The following PTDSS1 variants were observed in gnomAD, a reference collection of about 807,000 sequenced individuals.
PTDSS1 encodes PSS-1.
In PTDSS1, 45 loss-of-function variants were observed where a neutral mutation model predicts 70.5. That is an observed-to-expected ratio of 0.64 (90% CI 0.50 to 0.82). The LOEUF (loss-of-function observed/expected upper bound fraction) is 0.82, where lower values mean the gene tolerates loss of function less well. Among genes scored for constraint, PTDSS1 ranks in the 40% least tolerant of loss-of-function variants. PTDSS1 has a pLI of 0.00. For missense variants in PTDSS1, 417 were observed against 586.1 expected (o/e 0.71, Z 2.98); for synonymous variants, 188 against 203.8 (o/e 0.92, Z 0.66).
In PTDSS1 at chr8:96,280,197, A is replaced by G. The variant is rs1810715013; in HGVS notation, c.272-3912A>G. On this transcript the variant is annotated intron_variant, in intron 2 of 12. Transcript: ENST00000517309. ...GACATTGGTTTCTAGTTCTTTTGAA[A>G]TTAATCTTGCTCTTAATATAAGATT... Among the ~76,000 whole-genome samples the G allele has an allele frequency of 2.0e-5, 3 of 152,160 alleles. No individual in the cohort carries two copies. In the South Asian group the frequency reaches 6.2e-4, roughly 32 times the overall value.
At chr8:96,298,962 C>T (rs1030866530) in intron 5 of PTDSS1, among the ~76,000 whole-genome samples, 5 of 151,746 alleles carry the variant, frequency 3.3e-5, no homozygotes, top group Non-Finnish European at 7.4e-5. Context: ...ATTGCTTGAA[C>T]CCGGGAGGCA....
chr8:96,264,500 T>C (rs1048567209), intron 1 of PTDSS1, among the ~76,000 whole-genome samples: 1 of 152,242 alleles, frequency 6.6e-6, no homozygotes. Context: ...CATACCTGTT[T>C]GATGTTAACT....
intron 7 of PTDSS1, among the ~76,000 whole-genome samples, chr8:96,305,622 T>C (rs1467209008): frequency 6.6e-6 from 1 of 152,224 alleles, no homozygotes; most frequent in Admixed American, 6.5e-5. Context: ...GGATCTGCTC[T>C]GTCCCAGGCG....
intron 1 of PTDSS1, among the ~76,000 whole-genome samples, chr8:96,268,881 C>T (rs780286188): frequency 6.6e-6 from 1 of 152,184 alleles, no homozygotes; most frequent in African/African-American, 2.4e-5. Flanking sequence ...AGACTCCCCC[C>T]TCACGTTACC....
chr8:96,261,962 A>G lies in PTDSS1; in HGVS notation c.-79A>G, dbSNP rs1020822500. On this transcript the variant is annotated 5_prime_UTR_variant, in exon 1 of 13. Coordinates refer to ENST00000517309, the MANE Select transcript of PTDSS1 (RefSeq NM_014754.3). The stretch of plus-strand genomic sequence containing the variant: ...GGCTTTGCCGTCCGGCTATTAGCCT[A>G]CTGTGGCTAGTCACCCCCGGGGTCC... The G allele has an allele frequency of 1.0e-5, 15 of 1,445,798 alleles. No homozygotes were observed. The highest frequency in any genetic ancestry group is 6.1e-5 in the Admixed American group (3 of 49,194). 89.6% of individuals were successfully genotyped at this position (1,445,798 alleles called of 1,614,324 possible).
At chr8:96,265,266 G>T (rs1810470441) in intron 1 of PTDSS1, among the ~76,000 whole-genome samples, 1 of 152,142 alleles carries the variant, frequency 6.6e-6, no homozygotes, top group South Asian at 2.1e-4. Context: ...GAGGAGATAG[G>T]ATTCTTTTGG....
chr8:96,278,612 C>T (rs1810683826), intron 2 of PTDSS1, among the ~76,000 whole-genome samples: 2 of 152,130 alleles, frequency 1.3e-5, no homozygotes, highest in South Asian at 4.1e-4. Context: ...TACCTTCATC[C>T]CATTATAGCA....
chr8:96,295,056 T>TA (rs776765410), intron 4 of PTDSS1, 42 bp from the exon 5 acceptor site: 9 of 1,548,076 alleles, frequency 5.8e-6, no homozygotes, highest in Non-Finnish European at 7.9e-6. Context: ...GCAAGTTGAT[T>TA]TCTAGAGTTT....
intron 9 of PTDSS1, among the ~76,000 whole-genome samples, chr8:96,310,941 T>C (rs1563578313): frequency 6.6e-6 from 1 of 152,074 alleles, no homozygotes; most frequent in Non-Finnish European, 1.5e-5. Context: ...AATTTTTGTA[T>C]TTTTAGTAGA....
chr8:96,262,282 TGGCGGGGA>T lies in PTDSS1; in HGVS notation c.179+66_179+73del. On this transcript the variant is annotated intron_variant, in intron 1 of 12. Coordinates refer to ENST00000517309, the MANE Select transcript of PTDSS1 (RefSeq NM_014754.3). The surrounding 1 kb of genome is among the most constrained non-coding windows in gnomAD (Gnocchi z 4.4). ...GCTAGGGAAGAGGCGGGAGGGAGGG[TGGCGGGGA>T]GGGGGGCCCGGCATGGCTCTGGGTG... 40 of 250,404 alleles carry T rather than the reference TGGCGGGGA, an allele frequency of 1.6e-4. No homozygotes were observed. Among genetic ancestry groups the T allele is most frequent in the East Asian group, 7.2e-4 (7 of 9,676 alleles). 15.5% of individuals were successfully genotyped at this position (250,404 alleles called of 1,614,324 possible). A position where few individuals can be genotyped will look rare whatever the true frequency, so the allele number is the denominator to read the frequency against.
At position 96,295,245 on chromosome 8, in the gene PTDSS1, G is replaced by T; in HGVS notation, c.589G>T (p.Glu197Ter). The change falls in exon 5 of 13, where the codon GAG (glutamate) becomes TAG (stop). Residue 197 changes from glutamate (E) to a stop codon, truncating the protein, a stop_gained. Transcript: ENST00000517309. LOFTEE classifies it high-confidence loss of function. ...GLCWTISITW[E>*]LTELFFMHLL... The stretch of plus-strand genomic sequence containing the variant: ...CTGCTGGACAATCAGTATTACCTGG[G>T]AGCTGACTGAGGTAAGAAGGAGGGC... 6.2e-7 allele frequency: 1 copy of T among 1,613,366 alleles called. No individual in the cohort carries two copies. Among genetic ancestry groups the T allele is most frequent in the Non-Finnish European group, 8.5e-7 (1 of 1,179,582 alleles).
At chr8:96,274,164 A>G (rs1333380391) in intron 2 of PTDSS1, among the ~76,000 whole-genome samples, 3 of 149,578 alleles carry the variant, frequency 2.0e-5, no homozygotes, top group Non-Finnish European at 4.4e-5. Context: ...TTTAACACCT[A>G]TGACATTTGG....
intron 4 of PTDSS1, among the ~76,000 whole-genome samples, chr8:96,288,914 C>T (rs562322926): frequency 1.3e-5 from 2 of 151,798 alleles, no homozygotes; most frequent in African/African-American, 4.8e-5. Context: ...CAGGTGTGAG[C>T]CACCACTACT....
intron 6 of PTDSS1, among the ~76,000 whole-genome samples, chr8:96,303,556 T>G (rs1394756808): frequency 1.3e-5 from 2 of 152,218 alleles, no homozygotes; most frequent in Non-Finnish European, 2.9e-5. Context: ...ATGCTGAGTG[T>G]GCCAGCCACT....
At chr8:96,325,201 C>T (rs189855051) in intron 10 of PTDSS1, among the ~76,000 whole-genome samples, 3 of 152,302 alleles carry the variant, frequency 2.0e-5, no homozygotes, top group African/African-American at 4.8e-5. Flanking sequence ...CACTAACTTG[C>T]CCAAGGTCAC....
intron 9 of PTDSS1, among the ~76,000 whole-genome samples, chr8:96,318,801 A>T (rs905353252): frequency 3.3e-5 from 5 of 150,074 alleles, no homozygotes; most frequent in Non-Finnish European, 7.4e-5. Flanking sequence ...AGGCATTTAG[A>T]CCTTCAGTTG....
At chr8:96,286,731 G>A (rs941557960) in intron 3 of PTDSS1, among the ~76,000 whole-genome samples, 4 of 152,020 alleles carry the variant, frequency 2.6e-5, no homozygotes, top group Admixed American at 2.0e-4. Flanking sequence ...TGAATGTTGC[G>A]TGCAATCCTC....
intron 8 of PTDSS1, among the ~76,000 whole-genome samples, chr8:96,307,508 G>A (rs1234734974): frequency 9.2e-6 from 1 of 108,488 alleles, no homozygotes; most frequent in African/African-American, 3.4e-5. Context: ...AACAAATCAA[G>A]TAAGACATGT....
rs537095935 is a variant in PTDSS1, at chr8:96,328,282, A to T, written c.1174-1931A>T. Among the ~76,000 whole-genome samples, 5 of 152,252 alleles carry T rather than the reference A, an allele frequency of 3.3e-5. No homozygotes were observed. The East Asian group carries it at 9.7e-4, about 29-fold the overall frequency. The stretch of plus-strand genomic sequence containing the variant: ...CCCAGTCCGCTGTGTGAAACCCAGA[A>T]TGTTCTGTTTTGCTCTTTGTAAGGG... On this transcript the variant is annotated intron_variant, in intron 10 of 12. Coordinates refer to ENST00000517309, the MANE Select transcript of PTDSS1 (RefSeq NM_014754.3).
Sources: gnomAD v4.1 joint callset for allele counts (sites outside exome capture counted in the v4.1 genomes callset) on GRCh38, gnomAD v4.1.1 for gene constraint, Gnocchi (gnomAD v3.1) non-coding constraint, MANE v1.5 for transcripts, NCBI Gene and HGNC (gene_info 2026-07-23, HGNC 2026-07-21) for gene names.